VASH1: variants seen among roughly 807,000 people sequenced by gnomAD.
The protein encoded by VASH1 is vasohibin 1.
VASH1 carries 16 observed loss-of-function variants against 35.0 expected under a neutral mutation model. The ratio of observed to expected loss-of-function variants is 0.46; its 90% CI spans 0.31 to 0.70. The LOEUF (loss-of-function observed/expected upper bound fraction) is 0.70, where lower values mean the gene tolerates loss of function less well. Ranked by LOEUF, VASH1 falls within the 30% of genes least tolerant of loss-of-function variation. VASH1 has a pLI of 0.05. For synonymous variants in VASH1, 214 were observed against 200.9 expected (o/e 1.07, Z -0.55); for missense variants, 505 against 510.7 (o/e 0.99, Z 0.11).
intron 6 of VASH1, 70 bp downstream of exon 6, chr14:76,778,141 C>CT (rs1194367789): frequency 0.025 from 22,927 of 904,008 alleles, 7 homozygotes; most frequent in South Asian, 0.032. Context: ...GTGTGGGTCC[C>CT]TTTTTTTTTT....
At chr14:76,777,905 T>G in intron 5 of VASH1, 54 bp from the exon 6 acceptor site, 1 of 1,324,306 alleles carries the variant, frequency 7.6e-7, no homozygotes, top group Middle Eastern at 1.9e-4. Context: ...GAAGGAGAGG[T>G]TGGGCTCCAG....
At position 76,779,261 on chromosome 14, in the gene VASH1, G is replaced by A; in HGVS notation, c.*243G>A. The A allele has an allele frequency of 1.4e-6, 1 of 700,492 alleles. No homozygotes were observed. Among genetic ancestry groups the A allele is most frequent in the South Asian group, 1.5e-5 (1 of 66,692 alleles). The allele number at this position is 700,492 out of a possible 1,614,324, so 43.4% of individuals were successfully genotyped here. A position where few individuals can be genotyped will look rare whatever the true frequency, so the allele number is the denominator to read the frequency against. The stretch of plus-strand genomic sequence containing the variant: ...TTTTAACTCTACAACTGAAGTTTAA[G>A]GTATTTGGGGAAAACTTAGTCCAAA... On this transcript the variant is annotated 3_prime_UTR_variant, in exon 7 of 7. Transcript: ENST00000167106.
At chr14:76,769,396 CCTG>C in intron 1 of VASH1, 6 of 1,289,158 alleles carry the variant, frequency 4.7e-6, no homozygotes, top group Non-Finnish European at 6.1e-6. Context: ...GTCCTTCTGG[CCTG>C]CTACCGCTGA....
chr14:76,774,252 C>G (rs373741520), intron 4 of VASH1: 1 of 152,246 alleles, frequency 6.6e-6, no homozygotes, highest in Admixed American at 6.5e-5. Context: ...GCAGAGGTCT[C>G]GGAGGGAACG....
intron 1 of VASH1, among the ~76,000 whole-genome samples, chr14:76,764,861 T>G (rs1349212315): frequency 6.6e-6 from 1 of 152,014 alleles, no homozygotes; most frequent in East Asian, 1.9e-4. Flanking sequence ...AATTTTTGTA[T>G]TTTTGGTAGA....
Position 76,776,044 on chromosome 14 carries a change from A to G in VASH1, c.683A>G (p.Tyr228Cys). The change falls in exon 5 of 7, where the codon TAC (tyrosine) becomes TGC (cysteine). Residue 228 changes from tyrosine (Y) to cysteine (C), a missense_variant. By Grantham distance (194) the Tyr-to-Cys change is radical. Transcript: ENST00000167106. ...ATGAGTCGGCGCGAGGACCTGATGTACAAGCCGCCCGCCTTCCGCACGCTC... is the reference window on the plus strand; with the variant it reads ...ATGAGTCGGCGCGAGGACCTGATGTGCAAGCCGCCCGCCTTCCGCACGCTC... ...LGMSRREDLM[Y>C]KPPAFRTLSE... 1 of 1,611,276 alleles carries G rather than the reference A, an allele frequency of 6.2e-7. No homozygotes were observed. The highest frequency in any genetic ancestry group is 8.5e-7 in the Non-Finnish European group (1 of 1,179,656).
chr14:76,766,446 T>C (rs1443813225), intron 1 of VASH1, among the ~76,000 whole-genome samples: 3 of 152,140 alleles, frequency 2.0e-5, no homozygotes, highest in Non-Finnish European at 4.4e-5. Flanking sequence ...GTGCTTTCCT[T>C]TGATTTATTT....
rs868471716 is a variant in VASH1, at chr14:76,763,095, G to A, written c.274G>A (p.Ala92Thr). 5.3e-6 allele frequency: 8 copies of A among 1,502,538 alleles called. No homozygotes were observed. Among genetic ancestry groups the A allele is most frequent in the East Asian group, 5.0e-5 (2 of 40,152 alleles). The allele number at this position is 1,502,538 out of a possible 1,614,324, so 93.1% of individuals were successfully genotyped here. A position where few individuals can be genotyped will look rare whatever the true frequency, so the allele number is the denominator to read the frequency against. Residue 92 changes from alanine to threonine, a missense_variant, in exon 1 of 7, where the codon GCG (alanine) becomes ACG (threonine). By Grantham distance (58) the Ala-to-Thr change is moderately conservative. Transcript: ENST00000167106. ...GATCCACCCCGATGGAGAGAAGGTGGCGCAACGGATCCGTGGGGCCACAGA... is the reference window on the plus strand; with the variant it reads ...GATCCACCCCGATGGAGAGAAGGTGACGCAACGGATCCGTGGGGCCACAGA... ...AKIHPDGEKV[A>T]QRIRGATDLP...
At chr14:76,773,302 C>T (rs1179124293) in intron 4 of VASH1, 91 bp downstream of exon 4, 1 of 1,273,004 alleles carries the variant, frequency 7.9e-7, no homozygotes, top group Admixed American at 1.9e-5. Context: ...GTTGAATGGG[C>T]TCCAGGGCTC....
chr14:76,776,248 G>T lies in VASH1; in HGVS notation c.887G>T (p.Arg296Leu), dbSNP rs758546645. 1 of 1,599,938 alleles carries T rather than the reference G, an allele frequency of 6.3e-7. No homozygotes were observed. The highest frequency in any genetic ancestry group is 8.5e-7 in the Non-Finnish European group (1 of 1,175,558). The change falls in exon 5 of 7, where the codon CGC becomes CTC. Residue 296 changes from arginine (R) to leucine (L), a missense_variant. Transcript: ENST00000167106. ...GATGACTTCCGCAAGGAGCTGGAGCGCCACGCCCGCGACATGCGGCTCAAG... is the reference window on the plus strand; with the variant it reads ...GATGACTTCCGCAAGGAGCTGGAGCTCCACGCCCGCGACATGCGGCTCAAG... The part of the protein sequence containing the change: ...GRDDFRKELE[R>L]HARDMRLKIG...
At chr14:76,767,244 CAATA>C (rs3059397) in intron 1 of VASH1, among the ~76,000 whole-genome samples, 2,777 of 136,272 alleles carry the variant, frequency 0.02, 64 homozygotes, top group African/African-American at 0.059. Flanking sequence ...AACTCTGTCT[CAATA>C]AATAAATAAA....
chr14:76,777,881 A>T, intron 5 of VASH1, 78 bp from the exon 6 acceptor site: 1 of 1,124,806 alleles, frequency 8.9e-7, no homozygotes, highest in Non-Finnish European at 1.2e-6. Flanking sequence ...GCCTCCAGGG[A>T]CCTGTGGCTC....
At chr14:76,769,431 T>C (rs1341407314) in intron 1 of VASH1, 3 of 1,289,004 alleles carry the variant, frequency 2.3e-6, no homozygotes, top group Non-Finnish European at 3.0e-6. Flanking sequence ...ACAGTTCAAG[T>C]TGGTGCTCTG....
chr14:76,766,854 A>T (rs1373385492), intron 1 of VASH1, among the ~76,000 whole-genome samples: 2 of 152,206 alleles, frequency 1.3e-5, no homozygotes, highest in Admixed American at 6.5e-5. Flanking sequence ...ACCCTGCTCT[A>T]AGGCCTCGAC....
chr14:76,769,914 C>G (rs770381499), intron 1 of VASH1, 49 bp from the exon 2 acceptor site: 1 of 1,591,838 alleles, frequency 6.3e-7, no homozygotes, highest in African/African-American at 1.3e-5. Context: ...GGACTGGAAG[C>G]TCCAAGGTGA....
At position 76,762,630 on chromosome 14, in the gene VASH1, C is replaced by A. The variant is rs537190134; in HGVS notation, c.-192C>A. 4.4e-6 allele frequency: 2 copies of A among 452,790 alleles called. No homozygotes were observed. The highest frequency in any genetic ancestry group is 3.8e-6 in the Non-Finnish European group (1 of 260,210). The allele number at this position is 452,790 out of a possible 1,614,324, so 28.0% of individuals were successfully genotyped here. On this transcript the variant is annotated 5_prime_UTR_variant, in exon 1 of 7. Coordinates refer to ENST00000167106, the MANE Select transcript of VASH1 (RefSeq NM_014909.5). Reference sequence around the variant, plus strand: ...AAGGCTGACCCCAGACAACCCACCCCCTCGGACCCTAATTCACCTTATTGC... The same window carrying A: ...AAGGCTGACCCCAGACAACCCACCCACTCGGACCCTAATTCACCTTATTGC...
At position 76,773,230 on chromosome 14, in the gene VASH1, A is replaced by T. The variant is rs1348961985; in HGVS notation, c.530+19A>T. 1 of 1,613,456 alleles carries T rather than the reference A, an allele frequency of 6.2e-7. No individual in the cohort carries two copies. ...TGGGAATGTATCCTTCCTCACCTGA[A>T]GGGGAGGGGTCCGGGCTTCTCTGGG... On this transcript the variant is annotated intron_variant, in intron 4 of 6. Transcript: ENST00000167106.
In VASH1 at chr14:76,776,284, CT is replaced by C; in HGVS notation, c.912+13del. On this transcript the variant is annotated intron_variant, in intron 5 of 6. Transcript: ENST00000167106. ...GACATGCGGCTCAAGGTCTGCCCGC[CT>C]TCCACGCCCTCGCCCCCTCCCTCGC... 6.4e-7 allele frequency: 1 copy of C among 1,560,508 alleles called. No individual in the cohort carries two copies.
rs1203204267 is a variant in VASH1 at position 76,761,753 on chromosome 14, C to T, written c.-1069C>T. The stretch of plus-strand genomic sequence containing the variant: ...CCCGCCCCGCGGTCCTTCCTCCACC[C>T]TCAGCCAGGGCAGCTGCAGCCCGAG... On this transcript the variant is annotated 5_prime_UTR_variant, in exon 1 of 7. Transcript: ENST00000167106. Among the ~76,000 whole-genome samples, 3 of 152,024 alleles carry T rather than the reference C, an allele frequency of 2.0e-5. No individual in the cohort carries two copies. In the East Asian group the frequency reaches 5.8e-4, roughly 29 times the overall value.
Sources: gnomAD v4.1 joint callset for allele counts (sites outside exome capture counted in the v4.1 genomes callset) on GRCh38, gnomAD v4.1.1 for gene constraint, MANE v1.5 for transcripts, NCBI Gene and HGNC (gene_info 2026-07-23, HGNC 2026-07-21) for gene names.